The following EHD2 variants were observed in gnomAD, a reference collection of about 807,000 sequenced individuals.
The protein encoded by EHD2 is EH domain-containing protein 2.
In EHD2, 27 loss-of-function variants were observed where a neutral mutation model predicts 41.0. The observed-to-expected ratio is 0.66, with a 90% confidence interval of 0.49 to 0.91. The LOEUF (loss-of-function observed/expected upper bound fraction) is 0.91, where lower values mean the gene tolerates loss of function less well. Among genes scored for constraint, EHD2 ranks in the 40% least tolerant of loss-of-function variants. The pLI, the probability that EHD2 is intolerant of heterozygous loss-of-function variation, is 0.00. For missense variants in EHD2, 673 were observed against 773.9 expected, an observed-to-expected ratio of 0.87 and a Z score of 1.55; for synonymous variants, 342 against 341.0, an observed-to-expected ratio of 1.00 and a Z score of -0.03.
Position 47,718,535 on chromosome 19 carries a change from A to G in EHD2, c.431A>G (p.Gln144Arg). Residue 144 changes from glutamine to arginine, a missense_variant, in exon 3 of 6, where the codon CAG becomes CGG. Physicochemically the swap from Gln to Arg is conservative, Grantham distance 43. Coordinates refer to ENST00000263277, the MANE Select transcript of EHD2 (RefSeq NM_014601.4). The stretch of plus-strand genomic sequence containing the variant: ...TTCATGTGTGCCCAGCTCCCTAATC[A>G]GGTCCTGGAGAGCATCAGCATCATC... The part of the protein sequence containing the change: ...NRFMCAQLPN[Q>R]VLESISIIDT... The G allele has an allele frequency of 6.3e-7, 1 of 1,586,530 alleles. No homozygotes were observed. The highest frequency in any genetic ancestry group is 2.3e-5 in the East Asian group (1 of 43,918).
In EHD2 at chr19:47,725,973, G is replaced by A. The variant is rs1264149599; in HGVS notation, c.664G>A (p.Asp222Asn). The A allele has an allele frequency of 1.2e-6, 2 of 1,612,470 alleles. No homozygotes were observed. Among genetic ancestry groups the A allele is most frequent in the East Asian group, 2.2e-5 (1 of 44,818 alleles). ...GATCCGCGTGGTGCTCAACAAGGCC[G>A]ACATGGTGGAGACGCAGCAGCTGAT... Reference protein sequence around the residue: ...DKIRVVLNKADMVETQQLMRV... With the variant: ...DKIRVVLNKANMVETQQLMRV... The change falls in exon 4 of 6, where the codon GAC becomes AAC. Residue 222 changes from aspartate to asparagine, a missense_variant. Physicochemically the swap from Asp to Asn is conservative, Grantham distance 23. Transcript: ENST00000263277.
intron 3 of EHD2, among the ~76,000 whole-genome samples, chr19:47,720,372 T>G (rs1042676631): frequency 6.6e-6 from 1 of 152,038 alleles, no homozygotes; most frequent in African/African-American, 2.4e-5. Flanking sequence ...GATTTCACCA[T>G]GTTGGCCAGG....
rs146746938 is a variant in EHD2, at chr19:47,740,979, C to T, written c.1179C>T (p.Leu393=). 13 of 1,612,092 alleles carry T rather than the reference C, an allele frequency of 8.1e-6. No homozygotes were observed. The highest frequency in any genetic ancestry group is 6.7e-5 in the Admixed American group (4 of 59,902). Residue 393 remains leucine (L), a synonymous_variant, in exon 6 of 6, where the codon CTC becomes CTT. Coordinates refer to ENST00000263277, the MANE Select transcript of EHD2 (RefSeq NM_014601.4). The part of the protein sequence containing the change: ...DEMLTHDIAK[L]MPLLRQEELE... ...TGCTGACGCACGACATCGCCAAGCT[C>T]ATGCCCCTGCTGCGGCAGGAGGAGC... is the stretch of plus-strand genomic sequence containing the variant.
At chr19:47,740,780 G>C in intron 5 of EHD2, 101 bp from the exon 6 acceptor site, 1 of 1,245,174 alleles carries the variant, frequency 8.0e-7, no homozygotes, top group Non-Finnish European at 1.1e-6. Context: ...CCCCACAACA[G>C]CTACCCCCGA....
At chr19:47,715,320 C>G (rs1973614156) in intron 1 of EHD2, among the ~76,000 whole-genome samples, 1 of 152,020 alleles carries the variant, frequency 6.6e-6, no homozygotes, top group Admixed American at 6.6e-5. Flanking sequence ...TTTCATGGCT[C>G]CCAGTACACC....
At position 47,720,437 on chromosome 19, in the gene EHD2, C is replaced by T. The variant is rs1973683172; in HGVS notation, c.502+1831C>T. Among the ~76,000 whole-genome samples, 4 of 152,108 alleles carry T rather than the reference C, an allele frequency of 2.6e-5. No individual in the cohort carries two copies. In the South Asian group the frequency reaches 8.3e-4, roughly 32 times the overall value. On this transcript the variant is annotated intron_variant, in intron 3 of 5. Coordinates refer to ENST00000263277, the MANE Select transcript of EHD2 (RefSeq NM_014601.4). ...CCTCCTGCCTTGGCCTCCCAAAGTG[C>T]TGGGATTACAGGTGTGAGCCACCAT...
At chr19:47,740,023 C>T (rs185797352) in intron 5 of EHD2, among the ~76,000 whole-genome samples, 10 of 152,140 alleles carry the variant, frequency 6.6e-5, no homozygotes, top group African/African-American at 1.7e-4. Flanking sequence ...GGTGCCCGAG[C>T]GGAACAGGTT....
chr19:47,713,490 C>A lies in EHD2; in HGVS notation c.-104C>A, dbSNP rs1204358341. On this transcript the variant is annotated 5_prime_UTR_variant, in exon 1 of 6. Coordinates refer to ENST00000263277, the MANE Select transcript of EHD2 (RefSeq NM_014601.4). ...CGCTTCGGATCCTCGCGGGACCCCACCCTCTCCCAGCCTGCCCAGCCCGCT... is the reference window on the plus strand; with the variant it reads ...CGCTTCGGATCCTCGCGGGACCCCAACCTCTCCCAGCCTGCCCAGCCCGCT... 4 of 152,656 alleles carry A rather than the reference C, an allele frequency of 2.6e-5. No homozygotes were observed. The highest frequency in any genetic ancestry group is 2.0e-4 in the Admixed American group (3 of 15,300). 9.5% of individuals were successfully genotyped at this position (152,656 alleles called of 1,614,324 possible).
intron 3 of EHD2, among the ~76,000 whole-genome samples, chr19:47,725,246 A>G (rs897222753): frequency 6.6e-6 from 1 of 151,848 alleles, no homozygotes; most frequent in African/African-American, 2.4e-5. Flanking sequence ...ATGAATGAGC[A>G]AATGAAAAAA....
At chr19:47,721,337 T>C (rs1180775752) in intron 3 of EHD2, among the ~76,000 whole-genome samples, 14 of 151,862 alleles carry the variant, frequency 9.2e-5, no homozygotes, top group Non-Finnish European at 1.5e-5. Context: ...TTTTTTGAGA[T>C]GGAGTCTTAC....
chr19:47,722,858 A>G (rs996367136), intron 3 of EHD2, among the ~76,000 whole-genome samples: 10 of 152,068 alleles, frequency 6.6e-5, no homozygotes, highest in South Asian at 4.2e-4. Flanking sequence ...GTGAGCCACC[A>G]CGCCTAGCTA....
At position 47,718,614 on chromosome 19, in the gene EHD2, G is replaced by A. The variant is rs1238090332; in HGVS notation, c.502+8G>A. 2.6e-6 allele frequency: 4 copies of A among 1,556,800 alleles called. No homozygotes were observed. The highest frequency in any genetic ancestry group is 2.6e-6 in the Non-Finnish European group (3 of 1,149,444). ...AGCAGAGAGTGAGCCGCGGTGAGTG[G>A]GGCCAGACCCTGGGGTCTGAGGGAG... is the stretch of plus-strand genomic sequence containing the variant. On this transcript the variant is annotated splice_region_variant and intron_variant, in intron 3 of 5. Coordinates refer to ENST00000263277, the MANE Select transcript of EHD2 (RefSeq NM_014601.4).
intron 4 of EHD2, among the ~76,000 whole-genome samples, chr19:47,731,059 G>T (rs1396616195): frequency 6.6e-6 from 1 of 151,266 alleles, no homozygotes; most frequent in Non-Finnish European, 1.5e-5. Flanking sequence ...AAGAGGAAGG[G>T]GTGAGCCGAG....
At chr19:47,717,078 G>A (rs1433773199) in intron 2 of EHD2, 62 bp downstream of exon 2, 15 of 1,589,462 alleles carry the variant, frequency 9.4e-6, no homozygotes, top group South Asian at 1.1e-5. Flanking sequence ...CAGAGTTTCC[G>A]CTCTTTTCGC....
At chr19:47,731,285 TATATATATATATATATAC>T (rs1568591791) in intron 4 of EHD2, 1 of 76,434 alleles carries the variant, frequency 1.3e-5, no homozygotes, top group East Asian at 3.0e-4. Context: ...AAAAAATATA[TATATATATATATATATAC>T]ATATATATAT....
chr19:47,726,378 A>T, intron 4 of EHD2, 154 bp downstream of exon 4: 1 of 868,432 alleles, frequency 1.2e-6, no homozygotes, highest in Non-Finnish European at 1.6e-6. Context: ...GGGAGGAAGA[A>T]CTGTATGGAG....
In EHD2 at chr19:47,724,960, C is replaced by T. The variant is rs1474528229; in HGVS notation, c.503-852C>T. Among the ~76,000 whole-genome samples, 14 of 118,808 alleles carry T rather than the reference C, an allele frequency of 1.2e-4. 1 individual carries two copies. The highest frequency in any genetic ancestry group is 3.5e-4 in the Admixed American group (3 of 8,632). The allele number at this position is 118,808 out of a possible 152,430, so 77.9% of individuals were successfully genotyped here. A position where few individuals can be genotyped will look rare whatever the true frequency, so the allele number is the denominator to read the frequency against. On this transcript the variant is annotated intron_variant, in intron 3 of 5. Coordinates refer to ENST00000263277, the MANE Select transcript of EHD2 (RefSeq NM_014601.4). Reference sequence around the variant, plus strand: ...TCATGCCACTGCACTCCAGCCTGGGCGACAGAGTGAGACTCTGTCTCAAAA... The same window carrying T: ...TCATGCCACTGCACTCCAGCCTGGGTGACAGAGTGAGACTCTGTCTCAAAA...
chr19:47,715,747 A>G (rs964735672), intron 1 of EHD2, among the ~76,000 whole-genome samples: 1 of 152,192 alleles, frequency 6.6e-6, no homozygotes, highest in East Asian at 1.9e-4. Context: ...TGTCACCATT[A>G]ATCTTTCTCC....
chr19:47,736,497 C>T lies in EHD2; in HGVS notation c.1044C>T (p.Ile348=), dbSNP rs1287778060. 1 of 1,611,402 alleles carries T rather than the reference C, an allele frequency of 6.2e-7. No individual in the cohort carries two copies. Among genetic ancestry groups the T allele is most frequent in the Non-Finnish European group, 8.5e-7 (1 of 1,178,956 alleles). ...IFAKIQLEHH[I]SPGDFPDCQK... is the part of the protein sequence containing the mutation. ...CGAAGATTCAGCTGGAACATCACAT[C>T]TCCCCTGGGGACTTTCCTGATTGCC... The change falls in exon 5 of 6, where the codon ATC becomes ATT. Residue 348 remains isoleucine (I), a synonymous_variant. Coordinates refer to ENST00000263277, the MANE Select transcript of EHD2 (RefSeq NM_014601.4).
Sources: allele counts gnomAD v4.1 joint callset (sites outside exome capture counted in the v4.1 genomes callset), GRCh38; gene constraint gnomAD v4.1.1; transcripts MANE v1.5; gene names NCBI Gene and HGNC (gene_info 2026-07-23, HGNC 2026-07-21).